The following LRRFIP1 variants were observed in gnomAD, a reference collection of about 807,000 sequenced individuals.
LRRFIP1 encodes leucine-rich repeat flightless-interacting protein 1.
LRRFIP1 carries 62 observed loss-of-function variants against 104.4 expected under a neutral mutation model. The observed-to-expected ratio is 0.59, with a 90% CI of 0.48 to 0.73. LRRFIP1 has a LOEUF of 0.73. Ranked by LOEUF, LRRFIP1 falls within the 30% of genes least tolerant of loss-of-function variation. The pLI, the probability that LRRFIP1 is intolerant of heterozygous loss-of-function variation, is 0.00. For synonymous variants in LRRFIP1, 300 were observed against 299.0 expected, an observed-to-expected ratio of 1.00 and a Z score of -0.03; for missense variants, 796 against 824.5, an observed-to-expected ratio of 0.97 and a Z score of 0.42.
At chr2:237,739,979 G>A (rs932578857) in intron 11 of LRRFIP1, among the ~76,000 whole-genome samples, 1 of 152,110 alleles carries the variant, frequency 6.6e-6, no homozygotes, top group Non-Finnish European at 1.5e-5. Flanking sequence ...GGGGAGGTGG[G>A]CACATGGCCG....
At chr2:237,694,193 C>T (rs1351030299) in intron 1 of LRRFIP1, among the ~76,000 whole-genome samples, 1 of 152,130 alleles carries the variant, frequency 6.6e-6, no homozygotes, top group African/African-American at 2.4e-5. Context: ...TTGTTGATGT[C>T]TTTGATTAAG....
At chr2:237,699,347 TTTTTTTTTTTTTTC>T (rs1318685993) in intron 1 of LRRFIP1, among the ~76,000 whole-genome samples, 1 of 132,522 alleles carries the variant, frequency 7.5e-6, no homozygotes, top group Non-Finnish European at 1.5e-5. Flanking sequence ...TTTTCTTTTC[TTTTTTTTTTTTTTC>T]TTTTTTTTTG....
At chr2:237,700,298 T>C (rs1484171242) in intron 1 of LRRFIP1, among the ~76,000 whole-genome samples, 1 of 152,094 alleles carries the variant, frequency 6.6e-6, no homozygotes, top group Non-Finnish European at 1.5e-5. Flanking sequence ...CCTTCTTAGC[T>C]CAGGGGAAGA....
chr2:237,629,132 G>C (rs896100338), intron 1 of LRRFIP1, among the ~76,000 whole-genome samples: 2 of 152,232 alleles, frequency 1.3e-5, no homozygotes, highest in Non-Finnish European at 2.9e-5. Context: ...TCTTACTTTT[G>C]TATCCCAAGA....
intron 8 of LRRFIP1, among the ~76,000 whole-genome samples, chr2:237,730,641 G>A (rs6734136): frequency 0.12 from 18,056 of 152,218 alleles, 2,394 homozygotes; most frequent in African/African-American, 0.33. Context: ...GGAAGGGCCA[G>A]GTGTGGTGGC....
rs775370745 is a variant in LRRFIP1, at chr2:237,739,249, C to T, written c.573C>T (p.Gly191=). 11 of 1,564,240 alleles carry T rather than the reference C, an allele frequency of 7.0e-6. No homozygotes were observed. In the East Asian group the frequency reaches 1.9e-4, roughly 27 times the overall value. Residue 191 remains glycine (G), a synonymous_variant, in exon 11 of 24, where the codon GGC becomes GGT. Coordinates refer to ENST00000308482, the MANE Select transcript of LRRFIP1 (RefSeq NM_001137550.2). ...SGSRAPSEYS[G]HLNSSSRASS... is the part of the protein sequence containing the mutation. ...GTGGGCAGCCCTCGGAGTACAGCGGCCACCTCAACTCCAGCTCCCGCGCCT... is the reference window on the plus strand; with the variant it reads ...GTGGGCAGCCCTCGGAGTACAGCGGTCACCTCAACTCCAGCTCCCGCGCCT...
At chr2:237,659,872 C>T (rs895223719) in intron 1 of LRRFIP1, among the ~76,000 whole-genome samples, 1 of 152,212 alleles carries the variant, frequency 6.6e-6, no homozygotes, top group African/African-American at 2.4e-5. Flanking sequence ...CTCCTGGCCT[C>T]AAGCAATCCT....
intron 1 of LRRFIP1, among the ~76,000 whole-genome samples, chr2:237,641,487 ACT>A (rs1472644347): frequency 2.3e-5 from 3 of 132,194 alleles, no homozygotes; most frequent in East Asian, 4.5e-4. Flanking sequence ...ACAGAGTAAG[ACT>A]CTGTCTCAAA....
At chr2:237,698,125 G>A (rs1239704978) in intron 1 of LRRFIP1, among the ~76,000 whole-genome samples, 2 of 152,178 alleles carry the variant, frequency 1.3e-5, no homozygotes, top group Admixed American at 6.5e-5. Context: ...TTTAGGATGC[G>A]AAGGACTTTA....
intron 8 of LRRFIP1, among the ~76,000 whole-genome samples, chr2:237,730,305 C>T (rs893089525): frequency 2.0e-5 from 3 of 152,216 alleles, no homozygotes; most frequent in Non-Finnish European, 4.4e-5. Context: ...CAACAGAGTT[C>T]CTTCCCATTC....
At chr2:237,701,733 C>T (rs2093543399) in intron 1 of LRRFIP1, among the ~76,000 whole-genome samples, 1 of 152,182 alleles carries the variant, frequency 6.6e-6, no homozygotes, top group South Asian at 2.1e-4. Flanking sequence ...CGGTAGAAGC[C>T]GTTTCTGCTG....
At chr2:237,739,624 G>C (rs1163284550) in intron 11 of LRRFIP1, among the ~76,000 whole-genome samples, 1 of 152,188 alleles carries the variant, frequency 6.6e-6, no homozygotes, top group African/African-American at 2.4e-5. Flanking sequence ...CCTGTGATCA[G>C]ACCCCGACAG....
chr2:237,728,453 G>C (rs942558892), intron 8 of LRRFIP1, among the ~76,000 whole-genome samples: 5 of 151,836 alleles, frequency 3.3e-5, no homozygotes, highest in Admixed American at 3.3e-4. Flanking sequence ...GCAGGAAGGA[G>C]CTGGTGGAAG....
At position 237,735,268 on chromosome 2, in the gene LRRFIP1, G is replaced by T. The variant is rs768545156; in HGVS notation, c.490G>T (p.Ala164Ser). 3.1e-6 allele frequency: 5 copies of T among 1,613,410 alleles called. No individual in the cohort carries two copies. The highest frequency in any genetic ancestry group is 2.5e-6 in the Non-Finnish European group (3 of 1,179,774). ...SAARPSGSYR[A>S]SVLDEGSFGG... Reference sequence around the variant, plus strand: ...TCCTGACAGTCTCTTTTGGTCGCAGGCGTCTGTGTTGGATGAAGGCAGCTT... The same window carrying T: ...TCCTGACAGTCTCTTTTGGTCGCAGTCGTCTGTGTTGGATGAAGGCAGCTT... The change falls in exon 10 of 24, where the codon GCG becomes TCG. Residue 164 changes from alanine (A) to serine (S), a missense_variant and splice_region_variant. Coordinates refer to ENST00000308482, the MANE Select transcript of LRRFIP1 (RefSeq NM_001137550.2). The surrounding 1 kb of genome is among the most constrained non-coding windows in gnomAD (Gnocchi z 4.6).
rs148319332 is a variant in LRRFIP1, at chr2:237,776,775, C to T, written c.1812+2313C>T. ...TTGCATCCCTTGGCTTCCAGTCTTC[C>T]GTGTGTTGTTATGCGTTAGATGATC... On this transcript the variant is annotated intron_variant, in intron 23 of 23. Coordinates refer to ENST00000308482, the MANE Select transcript of LRRFIP1 (RefSeq NM_001137550.2). Among the ~76,000 whole-genome samples the T allele has an allele frequency of 4.2e-4, 64 of 152,124 alleles. No individual in the cohort carries two copies. The East Asian group carries it at 0.012, about 28-fold the overall frequency.
chr2:237,733,063 C>T (rs532918267), intron 8 of LRRFIP1, among the ~76,000 whole-genome samples: 1 of 152,144 alleles, frequency 6.6e-6, no homozygotes, highest in African/African-American at 2.4e-5. Context: ...GAGTGATCAC[C>T]GCCTGGCCGT....
rs183045313 is a variant in LRRFIP1 at position 237,709,698 on chromosome 2, C to T, written c.183+1068C>T. On this transcript the variant is annotated intron_variant, in intron 2 of 23. Coordinates refer to ENST00000308482, the MANE Select transcript of LRRFIP1 (RefSeq NM_001137550.2). ...TTGCCCTCCGCTGCTAGGAGTTTGC[C>T]GCTCCATGTAGAAACCTGCATGCAG... Among the ~76,000 whole-genome samples the T allele has an allele frequency of 6.9e-4, 105 of 152,262 alleles. 1 individual carries two copies. In the South Asian group the frequency reaches 0.015, roughly 22 times the overall value.
At position 237,723,551 on chromosome 2, in the gene LRRFIP1, C is replaced by A; in HGVS notation, c.349C>A (p.Gln117Lys). The part of the protein sequence containing the change: ...SVGSRGSLRS[Q>K]PDLEYGGPYA... ...TCTGCCATCTTTCTTCTGACAGTCG[C>A]AGCCTGACTTGGAGTATGGGGGTCC... The change falls in exon 7 of 24, where the codon CAG becomes AAG. Residue 117 changes from glutamine to lysine, a missense_variant. By Grantham distance (53) the Gln-to-Lys change is moderately conservative. Transcript: ENST00000308482. 2 of 1,613,884 alleles carry A rather than the reference C, an allele frequency of 1.2e-6. No homozygotes were observed. Among genetic ancestry groups the A allele is most frequent in the Non-Finnish European group, 1.7e-6 (2 of 1,179,856 alleles).
intron 19 of LRRFIP1, chr2:237,765,460 A>T (rs1004584949): frequency 2.1e-4 from 160 of 773,520 alleles, no homozygotes; most frequent in Non-Finnish European, 2.2e-4. Flanking sequence ...AAAAAAAAAA[A>T]GTTTTTGAAC....
Sources: allele counts gnomAD v4.1 joint callset (sites outside exome capture counted in the v4.1 genomes callset), GRCh38; gene constraint gnomAD v4.1.1; non-coding constraint Gnocchi (gnomAD v3.1); transcripts MANE v1.5; gene names NCBI Gene and HGNC (gene_info 2026-07-23, HGNC 2026-07-21).